Variants in COBL observed in about 807,000 individuals in gnomAD.
The protein encoded by COBL is protein cordon-bleu.
Under a neutral mutation model 98.8 loss-of-function variants are expected in COBL, and 51 were observed. The observed-to-expected ratio is 0.52, with a 90% CI of 0.41 to 0.65. The LOEUF (loss-of-function observed/expected upper bound fraction) is 0.65, where lower values mean the gene tolerates loss of function less well. Among genes scored for constraint, COBL ranks in the 30% least tolerant of loss-of-function variants. COBL has a pLI of 0.00. For missense variants in COBL, 1,617 were observed against 1,617.5 expected (o/e 1.00, Z 0.01); for synonymous variants, 634 against 651.7 (o/e 0.97, Z 0.41).
chr7:51,259,535 T>C, intron 1 of COBL: 1 of 687,156 alleles, frequency 1.5e-6, no homozygotes, highest in East Asian at 2.8e-5. Context: ...GATGGGCCAC[T>C]GAGAAGTGGA....
intron 1 of COBL, among the ~76,000 whole-genome samples, chr7:51,257,338 T>C (rs897792449): frequency 1.3e-5 from 2 of 152,188 alleles, no homozygotes; most frequent in African/African-American, 4.8e-5. Flanking sequence ...AGTCATTAAA[T>C]ACAGAGACCA....
chr7:51,141,070 AC>A (rs766378409), intron 5 of COBL, among the ~76,000 whole-genome samples: 4 of 151,854 alleles, frequency 2.6e-5, no homozygotes, highest in South Asian at 2.1e-4. Context: ...TGCACAATAC[AC>A]TTCCAGGGAC....
At chr7:51,261,645 T>G (rs990589549) in intron 1 of COBL, among the ~76,000 whole-genome samples, 1 of 152,114 alleles carries the variant, frequency 6.6e-6, no homozygotes, top group Admixed American at 6.5e-5. Context: ...CAAGCCCAGT[T>G]GTACAGGCCC....
chr7:51,063,440 TTTTC>T (rs1322439049), intron 7 of COBL, among the ~76,000 whole-genome samples: 2 of 152,234 alleles, frequency 1.3e-5, no homozygotes, highest in Non-Finnish European at 2.9e-5. Flanking sequence ...CGGCCTAACA[TTTTC>T]TTTAAGGGTT....
At chr7:51,259,750 C>T in intron 1 of COBL, 1 of 745,752 alleles carries the variant, frequency 1.3e-6, no homozygotes, top group Admixed American at 1.7e-5. Context: ...GTGGAAATAC[C>T]CAGATCACAT....
At chr7:51,020,779 G>A (rs112622552) in intron 12 of COBL, among the ~76,000 whole-genome samples, 16 of 152,206 alleles carry the variant, frequency 1.1e-4, no homozygotes, top group Middle Eastern at 3.2e-3. Flanking sequence ...AACACAGCTG[G>A]AAGTTTCTCT....
At chr7:51,047,243 T>C (rs1449225473) in intron 7 of COBL, among the ~76,000 whole-genome samples, 1 of 152,228 alleles carries the variant, frequency 6.6e-6, no homozygotes, top group Non-Finnish European at 1.5e-5. Flanking sequence ...TATAAATTCA[T>C]GATTTAATTC....
intron 6 of COBL, among the ~76,000 whole-genome samples, chr7:51,092,572 T>C (rs192212790): frequency 1.3e-5 from 2 of 152,302 alleles, no homozygotes; most frequent in East Asian, 3.9e-4. Flanking sequence ...GATACCTTTG[T>C]CAAAAATCAA....
chr7:51,293,828 T>C (rs1232088939), intron 1 of COBL, among the ~76,000 whole-genome samples: 1 of 152,130 alleles, frequency 6.6e-6, no homozygotes, highest in Non-Finnish European at 1.5e-5. Flanking sequence ...TGCTGGATCA[T>C]GCATAGTGTT....
intron 2 of COBL, among the ~76,000 whole-genome samples, chr7:51,207,673 C>A (rs1299976586): frequency 6.6e-6 from 1 of 152,246 alleles, no homozygotes; most frequent in African/African-American, 2.4e-5. Context: ...CGCGAGTGAT[C>A]CGCCAGCCTC....
intron 7 of COBL, 70 bp from the exon 8 acceptor site, chr7:51,043,762 C>A: frequency 7.2e-7 from 1 of 1,380,518 alleles, no homozygotes; most frequent in Non-Finnish European, 9.9e-7. Context: ...ACAAGTGTGA[C>A]ATCAGTCTGT....
intron 5 of COBL, among the ~76,000 whole-genome samples, chr7:51,144,336 G>T (rs1354095216): frequency 2.1e-4 from 32 of 152,144 alleles, no homozygotes; most frequent in Non-Finnish European, 2.9e-5. Flanking sequence ...CGAGTTACTG[G>T]TTGCCCAAGG....
intron 7 of COBL, among the ~76,000 whole-genome samples, chr7:51,051,780 C>T (rs1004644702): frequency 3.9e-5 from 6 of 152,270 alleles, no homozygotes; most frequent in Middle Eastern, 3.4e-3. Context: ...GCTTGCATTC[C>T]GGGGCAAGGA....
At chr7:51,133,071 G>A (rs1034426571) in intron 6 of COBL, among the ~76,000 whole-genome samples, 3 of 152,154 alleles carry the variant, frequency 2.0e-5, no homozygotes, top group Non-Finnish European at 4.4e-5. Flanking sequence ...CAAGAGCAGC[G>A]AGCAAGAATT....
intron 7 of COBL, among the ~76,000 whole-genome samples, chr7:51,063,815 A>C (rs1388714907): frequency 6.6e-6 from 1 of 152,088 alleles, no homozygotes; most frequent in Non-Finnish European, 1.5e-5. Flanking sequence ...GGATCTGTTG[A>C]CTCCAACCCA....
At chr7:51,038,092 T>C (rs1438645503) in intron 8 of COBL, among the ~76,000 whole-genome samples, 1 of 152,202 alleles carries the variant, frequency 6.6e-6, no homozygotes, top group Non-Finnish European at 1.5e-5. Context: ...CCTTAGGTGA[T>C]CCACCTGCCT....
chr7:51,204,463 G>C (rs1791460855), intron 2 of COBL, among the ~76,000 whole-genome samples: 1 of 151,518 alleles, frequency 6.6e-6, no homozygotes, highest in Non-Finnish European at 1.5e-5. Context: ...CACATAGAAA[G>C]CTCTGAAAAC....
At chr7:51,156,091 A>C (rs1275947609) in intron 5 of COBL, among the ~76,000 whole-genome samples, 2 of 152,228 alleles carry the variant, frequency 1.3e-5, no homozygotes, top group African/African-American at 4.8e-5. Context: ...CAGACGACAT[A>C]GAACAGAAAT....
intron 1 of COBL, among the ~76,000 whole-genome samples, chr7:51,290,821 C>A (rs1451594049): frequency 1.3e-5 from 2 of 152,170 alleles, no homozygotes; most frequent in Admixed American, 1.3e-4. Context: ...AACACCTTGA[C>A]CTCAGGTAGG....
Sources: gnomAD v4.1 joint callset for allele counts (sites outside exome capture counted in the v4.1 genomes callset) on GRCh38, gnomAD v4.1.1 for gene constraint, MANE v1.5 for transcripts, NCBI Gene and HGNC (gene_info 2026-07-23, HGNC 2026-07-21) for gene names.